Variants in GABRA1 observed in about 807,000 individuals in gnomAD.
GABRA1 encodes the protein gamma-aminobutyric acid type A receptor subunit alpha1.
A neutral mutation model predicts 48.9 loss-of-function variants in GABRA1; 9 were observed. The ratio of observed to expected loss-of-function variants is 0.18; its 90% confidence interval spans 0.11 to 0.32. GABRA1 has a LOEUF of 0.32. Ranked by LOEUF, GABRA1 falls within the 10% of genes least tolerant of loss-of-function variation. GABRA1 has a pLI of 1.00. For missense variants in GABRA1, 285 were observed against 553.8 expected, an observed-to-expected ratio of 0.51 and a Z score of 4.87; for synonymous variants, 210 against 198.7, an observed-to-expected ratio of 1.06 and a Z score of -0.48.
Position 161,875,174 on chromosome 5 carries a change from C to T in GABRA1, c.477-386C>T, listed in dbSNP as rs117273535. 3.3e-5 allele frequency among the ~76,000 whole-genome samples: 5 copies of T among 152,260 alleles called. No individual in the cohort carries two copies. In the East Asian group the frequency reaches 9.7e-4, roughly 29 times the overall value. ...AGAACAGGAGAAATTCTCTTCTCTT[C>T]CATGCTATCCATGTCTTCCTCTCAA... On this transcript the variant is annotated intron_variant, in intron 5 of 9. Coordinates refer to ENST00000393943, the MANE Select transcript of GABRA1 (RefSeq NM_001127644.2).
intron 8 of GABRA1, among the ~76,000 whole-genome samples, chr5:161,894,116 T>C (rs1324834496): frequency 6.6e-6 from 1 of 152,196 alleles, no homozygotes; most frequent in Non-Finnish European, 1.5e-5. Flanking sequence ...TAATAGTCAT[T>C]AGTTTTGCCC....
intron 3 of GABRA1, among the ~76,000 whole-genome samples, chr5:161,855,774 T>C (rs1335640211): frequency 2.0e-5 from 3 of 151,410 alleles, no homozygotes; most frequent in South Asian, 2.1e-4. Flanking sequence ...ATACTGGTTG[T>C]AATGTATCTG....
At chr5:161,871,796 C>T (rs1754132670) in intron 4 of GABRA1, among the ~76,000 whole-genome samples, 1 of 152,142 alleles carries the variant, frequency 6.6e-6, no homozygotes. Context: ...CAGTCTGTCA[C>T]CGGATTACAC....
Position 161,897,142 on chromosome 5 carries a change from A to C in GABRA1, c.1091A>C (p.Lys364Thr). 1 of 1,614,120 alleles carries C rather than the reference A, an allele frequency of 6.2e-7. No homozygotes were observed. The highest frequency in any genetic ancestry group is 8.5e-7 in the Non-Finnish European group (1 of 1,180,002). Reference protein sequence around the residue: ...PKKVKDPLIKKNNTYAPTATS... With the variant: ...PKKVKDPLIKTNNTYAPTATS... Reference sequence around the variant, plus strand: ...AAAGTAAAGGATCCTCTTATTAAGAAAAACAACACTTACGCTCCAACAGCA... The same window carrying C: ...AAAGTAAAGGATCCTCTTATTAAGACAAACAACACTTACGCTCCAACAGCA... The change falls in exon 10 of 10, where the codon AAA becomes ACA. Residue 364 changes from lysine to threonine, a missense_variant. By Grantham distance (78) the Lys-to-Thr change is moderately conservative. Transcript: ENST00000393943.
At chr5:161,876,129 C>G (rs1219635045) in intron 6 of GABRA1, among the ~76,000 whole-genome samples, 1 of 151,740 alleles carries the variant, frequency 6.6e-6, no homozygotes, top group Non-Finnish European at 1.5e-5. Flanking sequence ...ACACAAATAC[C>G]CTAATCATAG....
intron 8 of GABRA1, among the ~76,000 whole-genome samples, 192 bp downstream of exon 8, chr5:161,891,242 T>A (rs960188272): frequency 3.9e-5 from 6 of 152,352 alleles, no homozygotes; most frequent in Non-Finnish European, 2.9e-5. Context: ...CAAGCTGTTT[T>A]AGTATTTGTG....
intron 9 of GABRA1, 86 bp from the exon 10 acceptor site, chr5:161,897,025 C>T (rs1459977322): frequency 2.4e-6 from 3 of 1,243,812 alleles, no homozygotes; most frequent in Non-Finnish European, 3.5e-6. Context: ...ATTTAGGCTG[C>T]AAAATAAGGG....
chr5:161,882,720 C>T lies in GABRA1; in HGVS notation c.703+19C>T, dbSNP rs1468686311. The T allele has an allele frequency of 6.2e-7, 1 of 1,608,278 alleles. No individual in the cohort carries two copies. Among genetic ancestry groups the T allele is most frequent in the Non-Finnish European group, 8.5e-7 (1 of 1,175,018 alleles). ...AGTACAGGTAAGTACGATTTTGTTACTTCAGTTATGGAGGAAGAAGAAGAA... is the reference window on the plus strand; with the variant it reads ...AGTACAGGTAAGTACGATTTTGTTATTTCAGTTATGGAGGAAGAAGAAGAA... On this transcript the variant is annotated intron_variant, in intron 7 of 9. Coordinates refer to ENST00000393943, the MANE Select transcript of GABRA1 (RefSeq NM_001127644.2).
rs60042641 is a variant in GABRA1, at chr5:161,893,009, AAATAATAATAAT to A, written c.856+1989_856+2000del. On this transcript the variant is annotated intron_variant, in intron 8 of 9. Transcript: ENST00000393943. Reference sequence around the variant, plus strand: ...AACAGAGCGAGACTCCTTCTCAAAAAAATAATAATAATAATAATAATAATAATAATAATAATA... The same window carrying A: ...AACAGAGCGAGACTCCTTCTCAAAAAAATAATAATAATAATAATAATAATA... Among the ~76,000 whole-genome samples the A allele has an allele frequency of 2.7e-3, 335 of 122,418 alleles. 2 individuals are homozygous for A. The highest frequency in any genetic ancestry group is 4.7e-3 in the Non-Finnish European group (289 of 61,566). 80.3% of individuals were successfully genotyped at this position (122,418 alleles called of 152,430 possible). A position where few individuals can be genotyped will look rare whatever the true frequency, so the allele number is the denominator to read the frequency against.
At chr5:161,872,600 C>A (rs765849358) in intron 4 of GABRA1, among the ~76,000 whole-genome samples, 1 of 151,808 alleles carries the variant, frequency 6.6e-6, no homozygotes, top group Non-Finnish European at 1.5e-5. Flanking sequence ...ATGTTTATTT[C>A]GCCAAAAAAA....
intron 5 of GABRA1, among the ~76,000 whole-genome samples, 187 bp from the exon 6 acceptor site, chr5:161,875,373 A>G (rs1044810909): frequency 6.6e-6 from 1 of 152,204 alleles, no homozygotes; most frequent in Non-Finnish European, 1.5e-5. Context: ...AACAAACAAA[A>G]GGATAGAATC....
chr5:161,869,347 C>T (rs1754009069), intron 4 of GABRA1, among the ~76,000 whole-genome samples: 1 of 152,140 alleles, frequency 6.6e-6, no homozygotes, highest in Non-Finnish European at 1.5e-5. Context: ...TTATTCTTGT[C>T]TACATTTCCT....
chr5:161,857,844 T>TG lies in GABRA1; in HGVS notation c.187+3580dup, dbSNP rs572438800. ...AATCACTTTATTTGGTGGCAAGGTG[T>TG]GGGGGGCTGCTACTTTCTTACAACT... On this transcript the variant is annotated intron_variant, in intron 3 of 9. Coordinates refer to ENST00000393943, the MANE Select transcript of GABRA1 (RefSeq NM_001127644.2). Among the ~76,000 whole-genome samples, 32 of 151,430 alleles carry TG rather than the reference T, an allele frequency of 2.1e-4. No individual in the cohort carries two copies. In the South Asian group the frequency reaches 6.4e-3, roughly 30 times the overall value.
At chr5:161,855,722 C>T (rs1443209257) in intron 3 of GABRA1, among the ~76,000 whole-genome samples, 1 of 151,108 alleles carries the variant, frequency 6.6e-6, no homozygotes, top group Admixed American at 6.6e-5. Context: ...GAAGAAATAG[C>T]CAGGCTAGTG....
chr5:161,872,924 T>TA, intron 4 of GABRA1, 193 bp from the exon 5 acceptor site: 2 of 574,174 alleles, frequency 3.5e-6, no homozygotes, highest in African/African-American at 3.7e-5. Context: ...ATATTTTTTT[T>TA]AAAAAATCAT....
intron 6 of GABRA1, chr5:161,882,150 C>CA (rs369483552): frequency 2.1e-4 from 55 of 266,660 alleles, no homozygotes; most frequent in African/African-American, 1.1e-3. Flanking sequence ...GATAAGTCTC[C>CA]ATCCCTTCAT....
rs117765803 is a variant in GABRA1, at chr5:161,851,602, C to T, written c.74+718C>T. ...TCTGCTTTTGTATTTCTTGTGTAGCCTATTCCTGTGACCCATAAGAAGGTC... is the reference window on the plus strand; with the variant it reads ...TCTGCTTTTGTATTTCTTGTGTAGCTTATTCCTGTGACCCATAAGAAGGTC... On this transcript the variant is annotated intron_variant, in intron 2 of 9. Coordinates refer to ENST00000393943, the MANE Select transcript of GABRA1 (RefSeq NM_001127644.2). Among the ~76,000 whole-genome samples, 387 of 152,154 alleles carry T rather than the reference C, an allele frequency of 2.5e-3. 6 individuals are homozygous for T. Among genetic ancestry groups the T allele is most frequent in the East Asian group, 0.019 (98 of 5,168 alleles).
chr5:161,857,641 AT>A (rs1243066976), intron 3 of GABRA1, among the ~76,000 whole-genome samples: 1 of 151,650 alleles, frequency 6.6e-6, no homozygotes, highest in African/African-American at 2.4e-5. Context: ...AATACGTGGA[AT>A]TCTAAAAATT....
intron 1 of GABRA1, chr5:161,850,178 G>C (rs1757379527): frequency 6.5e-6 from 1 of 154,608 alleles, no homozygotes; most frequent in South Asian, 2.0e-4. Flanking sequence ...AGAAACATTA[G>C]GAAGCATGTT....
Sources: allele counts gnomAD v4.1 joint callset (sites outside exome capture counted in the v4.1 genomes callset), GRCh38; gene constraint gnomAD v4.1.1; transcripts MANE v1.5; gene names NCBI Gene and HGNC (gene_info 2026-07-23, HGNC 2026-07-21).